BCO1: variants seen among roughly 807,000 people sequenced by gnomAD.
The protein encoded by BCO1 is beta,beta-carotene 15,15'-dioxygenase.
In BCO1, 54 loss-of-function variants were observed where a neutral mutation model predicts 56.3. The observed-to-expected ratio is 0.96, with a 90% CI of 0.77 to 1.20. The LOEUF (loss-of-function observed/expected upper bound fraction) is 1.20, where lower values mean the gene tolerates loss of function less well. Ranked by LOEUF, BCO1 falls within the 50% of genes most tolerant of loss-of-function variation. The pLI is 0.00. For missense variants in BCO1, 801 were observed against 690.9 expected, an observed-to-expected ratio of 1.16 and a Z score of -1.79; for synonymous variants, 318 against 266.1, an observed-to-expected ratio of 1.20 and a Z score of -1.90.
rs183593992 is a variant in BCO1, at chr16:81,286,515, A to C, written c.1303-780A>C. On this transcript the variant is annotated intron_variant, in intron 9 of 10. Transcript: ENST00000258168. The stretch of plus-strand genomic sequence containing the variant: ...ATGTTTGCATTGAATATATTCATTT[A>C]TTTAACTCATATAAAATTGCAGTGC... Among the ~76,000 whole-genome samples the C allele has an allele frequency of 4.0e-3, 607 of 152,240 alleles. 2 individuals are homozygous for C. Among genetic ancestry groups the C allele is most frequent in the African/African-American group, 0.014 (586 of 41,540 alleles).
At chr16:81,264,808 G>A (rs927018709) in intron 5 of BCO1, 21 bp downstream of exon 5, 2 of 1,613,772 alleles carry the variant, frequency 1.2e-6, no homozygotes. Flanking sequence ...CTGGGGAATT[G>A]AATAAAACAC....
In BCO1 at chr16:81,273,500, G is replaced by A. The variant is rs559408134; in HGVS notation, c.1101+3084G>A. 3.9e-5 allele frequency among the ~76,000 whole-genome samples: 6 copies of A among 152,224 alleles called. No individual in the cohort carries two copies. The East Asian group carries it at 9.7e-4, about 25-fold the overall frequency. ...CCAGCCAGCGGGCAGGGGAGCTGGC[G>A]TTTGAACTGAGGTTTGTCTGACTCC... On this transcript the variant is annotated intron_variant, in intron 7 of 10. Transcript: ENST00000258168.
intron 1 of BCO1, among the ~76,000 whole-genome samples, chr16:81,244,949 G>A (rs1237730507): frequency 1.3e-5 from 2 of 151,976 alleles, no homozygotes; most frequent in African/African-American, 2.4e-5. Context: ...TTAGTGCAGT[G>A]GTACAATCTC....
At position 81,290,465 on chromosome 16, in the gene BCO1, TG is replaced by T; in HGVS notation, c.1534del (p.Asp512IlefsTer35). ...GCCTCTGTTGATGTCGATATGCACA[TG>T]GATCTCCATGGATTATTCATTACAG... Reference protein sequence around the residue: ...ARASVDVDMHMDLHGLFITDM... With the variant: ...ARASVDVDMHXDLHGLFITDM... On this transcript the variant is annotated frameshift_variant, in exon 11 of 11. Coordinates refer to ENST00000258168, the MANE Select transcript of BCO1 (RefSeq NM_017429.3). LOFTEE classifies it low-confidence loss of function (END_TRUNC). 1 of 1,614,206 alleles carries T rather than the reference TG, an allele frequency of 6.2e-7. No homozygotes were observed. The highest frequency in any genetic ancestry group is 8.5e-7 in the Non-Finnish European group (1 of 1,180,048).
rs56069135 is a variant in BCO1 at position 81,251,874 on chromosome 16, A to ATGTGTGTGTGTGTG, written c.193+6275_193+6288dup. On this transcript the variant is annotated intron_variant, in intron 2 of 10. Transcript: ENST00000258168. ...CACGCACACACACACACACACATAT[A>ATGTGTGTGTGTGTG]TGTGTGTGTGTGTGTGTATATATAT... Among the ~76,000 whole-genome samples the ATGTGTGTGTGTGTG allele has an allele frequency of 3.2e-3, 469 of 146,724 alleles. 3 individuals are homozygous for ATGTGTGTGTGTGTG. The highest frequency in any genetic ancestry group is 0.011 in the African/African-American group (434 of 38,884).
At chr16:81,239,021 T>A (rs1032655895) in intron 1 of BCO1, 49 bp downstream of exon 1, 2 of 214,374 alleles carry the variant, frequency 9.3e-6, no homozygotes, top group South Asian at 1.5e-4. Context: ...TATTTTATTA[T>A]TTTTTTTTTT....
In BCO1 at chr16:81,242,724, A is replaced by G. The variant is rs1905190505; in HGVS notation, c.65-2751A>G. 2.0e-5 allele frequency among the ~76,000 whole-genome samples: 3 copies of G among 151,866 alleles called. No homozygotes were observed. In the South Asian group the frequency reaches 6.2e-4, roughly 32 times the overall value. ...CTTCGAAGCTCCAAGTTCCTATTCC[A>G]TTTATAACAGGGGTCCCCGACCCTC... On this transcript the variant is annotated intron_variant, in intron 1 of 10. Coordinates refer to ENST00000258168, the MANE Select transcript of BCO1 (RefSeq NM_017429.3).
intron 7 of BCO1, among the ~76,000 whole-genome samples, chr16:81,277,130 G>T (rs1199973605): frequency 6.6e-6 from 1 of 151,576 alleles, no homozygotes; most frequent in African/African-American, 2.4e-5. Flanking sequence ...TATGGCTAGC[G>T]ATTGCCGTTT....
chr16:81,263,814 G>A (rs1453908939), intron 4 of BCO1: 6 of 152,216 alleles, frequency 3.9e-5, no homozygotes, highest in East Asian at 1.9e-4. Context: ...TCAAAATTCC[G>A]ATGTCTCTGC....
chr16:81,270,186 ACCAGGCAG>A lies in BCO1; in HGVS notation c.874_881del (p.Arg292CysfsTer28), dbSNP rs779013087. 1 of 1,614,094 alleles carries A rather than the reference ACCAGGCAG, an allele frequency of 6.2e-7. No homozygotes were observed. The highest frequency in any genetic ancestry group is 8.5e-7 in the Non-Finnish European group (1 of 1,180,020). On this transcript the variant is annotated frameshift_variant, in exon 7 of 11. Coordinates refer to ENST00000258168, the MANE Select transcript of BCO1 (RefSeq NM_017429.3). LOFTEE classifies it high-confidence loss of function. ...TTATATCCACATCATCGACCAAAGG[ACCAGGCAG>A]CCTGTGCAGACCAAGTTTTACACAG...
At chr16:81,253,770 C>T (rs922165221) in intron 2 of BCO1, among the ~76,000 whole-genome samples, 3 of 152,102 alleles carry the variant, frequency 2.0e-5, no homozygotes, top group Non-Finnish European at 4.4e-5. Flanking sequence ...TCAAGACCAG[C>T]CTAGGCAATA....
intron 7 of BCO1, among the ~76,000 whole-genome samples, chr16:81,279,699 A>G (rs1907756426): frequency 6.6e-6 from 1 of 152,242 alleles, no homozygotes; most frequent in African/African-American, 2.4e-5. Context: ...AGGGAGTAGT[A>G]GATGCTCAAT....
chr16:81,270,027 A>G, intron 6 of BCO1, 132 bp from the exon 7 acceptor site: 4 of 1,166,780 alleles, frequency 3.4e-6, no homozygotes, highest in African/African-American at 1.5e-5. Flanking sequence ...TGTGGAGCAC[A>G]CACAGAATGC....
chr16:81,260,584 C>T (rs1906423116), intron 3 of BCO1, among the ~76,000 whole-genome samples: 1 of 152,188 alleles, frequency 6.6e-6, no homozygotes, highest in Admixed American at 6.5e-5. Flanking sequence ...TCTCAGTTCA[C>T]CGCAACCTCT....
At chr16:81,249,796 C>T (rs532177503) in intron 2 of BCO1, among the ~76,000 whole-genome samples, 1 of 152,308 alleles carries the variant, frequency 6.6e-6, no homozygotes, top group East Asian at 1.9e-4. Context: ...TTCTCTTAGA[C>T]CTAGGCCAGC....
intron 7 of BCO1, among the ~76,000 whole-genome samples, chr16:81,272,998 C>T (rs554869548): frequency 1.3e-5 from 2 of 151,946 alleles, no homozygotes; most frequent in South Asian, 2.1e-4. Context: ...GGGATGGAGT[C>T]TTGTTGTGTC....
intron 1 of BCO1, among the ~76,000 whole-genome samples, chr16:81,241,127 C>G (rs970740744): frequency 4.6e-5 from 7 of 152,046 alleles, no homozygotes; most frequent in African/African-American, 1.7e-4. Flanking sequence ...AACCACCATG[C>G]CCGGCCTGAA....
chr16:81,254,397 C>T (rs1906001512), intron 2 of BCO1, among the ~76,000 whole-genome samples: 1 of 150,152 alleles, frequency 6.7e-6, no homozygotes, highest in African/African-American at 2.5e-5. Flanking sequence ...ACGATCCGCC[C>T]ATCTTGGCCT....
At chr16:81,251,900 C>T (rs142754036) in intron 2 of BCO1, among the ~76,000 whole-genome samples, 41 of 137,980 alleles carry the variant, frequency 3.0e-4, no homozygotes, top group Admixed American at 2.1e-4. Context: ...GTATATATAT[C>T]TATATCTTCC....
Sources: allele counts gnomAD v4.1 joint callset (sites outside exome capture counted in the v4.1 genomes callset), GRCh38; gene constraint gnomAD v4.1.1; transcripts MANE v1.5; gene names NCBI Gene and HGNC (gene_info 2026-07-23, HGNC 2026-07-21).